Variants in FXR2 observed in about 807,000 individuals in gnomAD.
FXR2 encodes the protein RNA-binding protein FXR2.
In FXR2, 9 loss-of-function variants were observed where a neutral mutation model predicts 87.3. The ratio of observed to expected loss-of-function variants is 0.10; its 90% CI spans 0.06 to 0.18. FXR2 has a LOEUF of 0.18. Among genes scored for constraint, FXR2 ranks in the 10% least tolerant of loss-of-function variants. FXR2 has a pLI of 1.00. For missense variants in FXR2, 661 were observed against 893.6 expected (o/e 0.74, Z 3.32); for synonymous variants, 331 against 328.3 (o/e 1.01, Z -0.09).
chr17:7,602,977 C>T lies in FXR2; in HGVS notation c.475G>A (p.Glu159Lys). 6.3e-7 allele frequency: 1 copy of T among 1,586,784 alleles called. No individual in the cohort carries two copies. The highest frequency in any genetic ancestry group is 8.6e-7 in the Non-Finnish European group (1 of 1,156,960). The stretch of plus-strand genomic sequence containing the variant: ...TTGGCTCCCAGGGCTTTCTTGAACT[C>T]TTTATGGACGTTTTCATTGGAGCAG... The part of the protein sequence containing the change: ...EACSNENVHK[E>K]FKKALGANCI... Residue 159 changes from glutamate (E) to lysine (K), a missense_variant, in exon 6 of 17, where the codon GAG (glutamate) becomes AAG (lysine). Coordinates refer to ENST00000250113, the MANE Select transcript of FXR2 (RefSeq NM_004860.4).
At chr17:7,613,467 T>C (rs1319739889) in intron 1 of FXR2, among the ~76,000 whole-genome samples, 1 of 152,126 alleles carries the variant, frequency 6.6e-6, no homozygotes, top group African/African-American at 2.4e-5. Flanking sequence ...AAGGTGGTAT[T>C]ATAAGGAGTT....
Position 7,594,617 on chromosome 17 carries a change from C to T in FXR2, c.910+62G>A. ...GAGGTGCCAATCCTGGATAAAAGCT[C>T]AGAATCACTGTAGAGAATCTTGATT... On this transcript the variant is annotated intron_variant, in intron 9 of 16. Coordinates refer to ENST00000250113, the MANE Select transcript of FXR2 (RefSeq NM_004860.4). This position sits in a 1 kb window ranked among gnomAD's most constrained non-coding sequence, Gnocchi z 5.1. The T allele has an allele frequency of 1.9e-6, 2 of 1,079,738 alleles. No individual in the cohort carries two copies. The highest frequency in any genetic ancestry group is 2.9e-6 in the Non-Finnish European group (2 of 692,670). The allele number at this position is 1,079,738 out of a possible 1,614,324, so 66.9% of individuals were successfully genotyped here.
At chr17:7,609,895 TACAC>T (rs1280340081) in intron 1 of FXR2, among the ~76,000 whole-genome samples, 3 of 146,752 alleles carry the variant, frequency 2.0e-5, no homozygotes, top group African/African-American at 7.5e-5. Flanking sequence ...TACATATATA[TACAC>T]ATACATATAT....
At chr17:7,603,028 G>A in intron 5 of FXR2, 26 bp from the exon 6 acceptor site, 1 of 1,183,028 alleles carries the variant, frequency 8.5e-7, no homozygotes. Context: ...GTACTCAGCG[G>A]GCAGAATGCA....
Position 7,606,090 on chromosome 17 carries a change from G to T in FXR2, c.134+7C>A, listed in dbSNP as rs748759059. On this transcript the variant is annotated splice_region_variant and intron_variant, in intron 2 of 16. Coordinates refer to ENST00000250113, the MANE Select transcript of FXR2 (RefSeq NM_004860.4). Reference sequence around the variant, plus strand: ...GTATGCTGGATTCTCTATTCCCAAGGTCTTACTTGTTTTCAAAGAAGATGG... The same window carrying T: ...GTATGCTGGATTCTCTATTCCCAAGTTCTTACTTGTTTTCAAAGAAGATGG... 2.0e-6 allele frequency: 3 copies of T among 1,511,360 alleles called. No homozygotes were observed. The highest frequency in any genetic ancestry group is 2.0e-5 in the Admixed American group (1 of 50,760). The allele number at this position is 1,511,360 out of a possible 1,614,324, so 93.6% of individuals were successfully genotyped here. A position where few individuals can be genotyped will look rare whatever the true frequency, so the allele number is the denominator to read the frequency against.
At chr17:7,598,599 G>A (rs773193261) in intron 7 of FXR2, among the ~76,000 whole-genome samples, 3 of 152,042 alleles carry the variant, frequency 2.0e-5, no homozygotes, top group Non-Finnish European at 4.4e-5. Context: ...ATTTTGTATC[G>A]GTCTCCCTTT....
Position 7,593,873 on chromosome 17 carries a change from A to T in FXR2, c.1107+45T>A. 8.3e-7 allele frequency: 1 copy of T among 1,208,292 alleles called. No homozygotes were observed. The highest frequency in any genetic ancestry group is 1.2e-6 in the Non-Finnish European group (1 of 809,564). 74.8% of individuals were successfully genotyped at this position (1,208,292 alleles called of 1,614,324 possible). On this transcript the variant is annotated intron_variant, in intron 11 of 16. Transcript: ENST00000250113. The surrounding 1 kb of genome is among the most constrained non-coding windows in gnomAD (Gnocchi z 6.1). The stretch of plus-strand genomic sequence containing the variant: ...CTGAGCTGACCCCCACAGCAGTCTT[A>T]GTTCCCTTTTCACACCCAGCATTTT...
Position 7,592,492 on chromosome 17 carries a change from G to T in FXR2, c.1825+12C>A. The T allele has an allele frequency of 6.2e-7, 1 of 1,611,178 alleles. No homozygotes were observed. On this transcript the variant is annotated intron_variant, in intron 15 of 16. Coordinates refer to ENST00000250113, the MANE Select transcript of FXR2 (RefSeq NM_004860.4). The surrounding 1 kb of genome is among the most constrained non-coding windows in gnomAD (Gnocchi z 4.8). ...CTCTGAGGAAGGATTCTGGTGTCCAGAGTTGGCTGACCTGGCTGGCGGTCT... is the reference window on the plus strand; with the variant it reads ...CTCTGAGGAAGGATTCTGGTGTCCATAGTTGGCTGACCTGGCTGGCGGTCT...
At chr17:7,609,961 T>TACATGTATATGTATACATAC (rs761974498) in intron 1 of FXR2, among the ~76,000 whole-genome samples, 1 of 109,464 alleles carries the variant, frequency 9.1e-6, no homozygotes, top group Non-Finnish European at 2.3e-5. Context: ...TATACATATA[T>TACATGTATATGTATACATAC]ATACATGTAT....
At chr17:7,607,318 CAA>C (rs780175985) in intron 1 of FXR2, among the ~76,000 whole-genome samples, 11 of 118,414 alleles carry the variant, frequency 9.3e-5, no homozygotes, top group Non-Finnish European at 8.9e-5. Context: ...AACTCCATCT[CAA>C]AAAAAAAAAA....
In FXR2 at chr17:7,592,574, A is replaced by C. The variant is rs1359404777; in HGVS notation, c.1755T>G (p.Arg585=). ...GGTTACGGCGGCGGCGGCTGCGATT[A>C]CGACGTTGAGGTCTTGATTCATCTT... ...GLEDESRPQR[R]NRSRRRRNRG... Residue 585 remains arginine, a synonymous_variant, in exon 15 of 17, where the codon CGT becomes CGG. Transcript: ENST00000250113. This position sits in a 1 kb window ranked among gnomAD's most constrained non-coding sequence, Gnocchi z 4.8. The C allele has an allele frequency of 1.2e-6, 2 of 1,612,366 alleles. No individual in the cohort carries two copies. Among genetic ancestry groups the C allele is most frequent in the Non-Finnish European group, 1.7e-6 (2 of 1,179,334 alleles).
chr17:7,613,205 G>A (rs2071890616), intron 1 of FXR2, among the ~76,000 whole-genome samples: 2 of 151,844 alleles, frequency 1.3e-5, no homozygotes, highest in African/African-American at 2.4e-5. Context: ...CTGAAGGAAA[G>A]GGGGAAGGGG....
intron 7 of FXR2, among the ~76,000 whole-genome samples, chr17:7,601,056 G>C (rs2071751551): frequency 6.6e-6 from 1 of 152,040 alleles, no homozygotes; most frequent in Non-Finnish European, 1.5e-5. Context: ...GCGCACGCCT[G>C]TAATCCCAGC....
At position 7,594,800 on chromosome 17, in the gene FXR2, C is replaced by G. The variant is rs761894137; in HGVS notation, c.832-43G>C. The G allele has an allele frequency of 3.2e-5, 39 of 1,210,040 alleles. 2 individuals carry two copies. Among genetic ancestry groups the G allele is most frequent in the African/African-American group, 4.5e-5 (3 of 67,268 alleles). 75.0% of individuals were successfully genotyped at this position (1,210,040 alleles called of 1,614,324 possible). A position where few individuals can be genotyped will look rare whatever the true frequency, so the allele number is the denominator to read the frequency against. ...GGGAGTTGTTACTAAAACAGAAGAC[C>G]AGCTGGATGTGGTGGCTCACGCCTG... On this transcript the variant is annotated intron_variant, in intron 8 of 16. Transcript: ENST00000250113. This position sits in a 1 kb window ranked among gnomAD's most constrained non-coding sequence, Gnocchi z 5.1.
chr17:7,602,797 G>A (rs1184962902), intron 6 of FXR2, 112 bp downstream of exon 6: 1 of 634,498 alleles, frequency 1.6e-6, no homozygotes, highest in Non-Finnish European at 2.8e-6. Context: ...AAGTCCTCTT[G>A]ACAAATAAAT....
chr17:7,598,936 G>A (rs943270342), intron 7 of FXR2, among the ~76,000 whole-genome samples: 4 of 152,168 alleles, frequency 2.6e-5, no homozygotes, highest in South Asian at 2.1e-4. Flanking sequence ...ACCTGCGGTC[G>A]GGAGTTCAAA....
rs1306110890 is a variant in FXR2 at position 7,593,141 on chromosome 17, T to C, written c.1371A>G (p.Ser457=). Residue 457 remains serine (S), a synonymous_variant, in exon 13 of 17, where the codon TCA becomes TCG. Transcript: ENST00000250113. The surrounding 1 kb of genome is among the most constrained non-coding windows in gnomAD (Gnocchi z 6.1). ...CTCGGTTGGGCTCCTCTCTCTTCTC[T>C]GACTCAGTCTCTGAAGCTGTAGACA... is the stretch of plus-strand genomic sequence containing the variant. ...SDVSTASETE[S]EKREEPNRAG... 1.3e-6 allele frequency: 2 copies of C among 1,553,724 alleles called. No individual in the cohort carries two copies. Among genetic ancestry groups the C allele is most frequent in the Non-Finnish European group, 8.7e-7 (1 of 1,153,206 alleles).
intron 1 of FXR2, among the ~76,000 whole-genome samples, chr17:7,611,200 G>A (rs2071861402): frequency 6.6e-6 from 1 of 151,984 alleles, no homozygotes; most frequent in Admixed American, 6.6e-5. Context: ...TACGTCTTAA[G>A]CATGATGACT....
Position 7,591,892 on chromosome 17 carries a change from A to G in FXR2, c.1960T>C (p.Ser654Pro). The change falls in exon 17 of 17, where the codon TCG becomes CCG. Residue 654 changes from serine (S) to proline (P), a missense_variant. Ser to Pro is a moderately conservative substitution (Grantham distance 74). Around this residue, in one of 3 missense-constraint regions of FXR2, gnomAD observed 409 missense variants for 432.0 expected, o/e 0.95. Transcript: ENST00000250113. The surrounding 1 kb of genome is among the most constrained non-coding windows in gnomAD (Gnocchi z 4.0). Reference protein sequence around the residue: ...DSVSKLPKGPSENGELSAPLE... With the variant: ...DSVSKLPKGPPENGELSAPLE... ...GGGGCGGAGAGCTCCCCATTCTCCG[A>G]GGGGCCCTTAGGAAGCTTGCTGACA... is the stretch of plus-strand genomic sequence containing the variant. 1 of 1,601,468 alleles carries G rather than the reference A, an allele frequency of 6.2e-7. No homozygotes were observed.
Sources: allele counts gnomAD v4.1 joint callset (sites outside exome capture counted in the v4.1 genomes callset), GRCh38; gene constraint gnomAD v4.1.1; regional missense constraint gnomAD v4.1.1; non-coding constraint Gnocchi (gnomAD v3.1); transcripts MANE v1.5; gene names NCBI Gene and HGNC (gene_info 2026-07-23, HGNC 2026-07-21).